The following GPR20 variants were observed in gnomAD, a reference collection of about 807,000 sequenced individuals.
The protein encoded by GPR20 is CTD-3064M3.3.
For missense variants in GPR20, 494 were observed against 527.4 expected, an observed-to-expected ratio of 0.94 and a Z score of 0.62; for synonymous variants, 241 against 241.9, an observed-to-expected ratio of 1.00 and a Z score of 0.04.
rs1563704957 is a variant in GPR20, at chr8:141,357,328, G to GCAAAGACA, written c.588_595dup (p.Ala199ValfsTer5). 6.5e-7 allele frequency: 1 copy of GCAAAGACA among 1,545,666 alleles called. No homozygotes were observed. Among genetic ancestry groups the GCAAAGACA allele is most frequent in the South Asian group, 1.2e-5 (1 of 85,202 alleles). ...CAGCAGGAACTCCAGGACAGTCAGC[G>GCAAAGACA]CAAAGACACGGCAGCAGGGCCGGCT... is the stretch of plus-strand genomic sequence containing the variant. On this transcript the variant is annotated frameshift_variant, in exon 2 of 2. Coordinates refer to ENST00000377741, the MANE Select transcript of GPR20 (RefSeq NM_005293.3). LOFTEE classifies it low-confidence loss of function (END_TRUNC).
intron 1 of GPR20, among the ~76,000 whole-genome samples, chr8:141,366,383 C>A (rs530988449): frequency 6.6e-6 from 1 of 152,196 alleles, no homozygotes; most frequent in Non-Finnish European, 1.5e-5. Flanking sequence ...GTGCATTCCC[C>A]GTCCTGCGAG....
chr8:141,364,669 T>C (rs2154616657), intron 1 of GPR20, among the ~76,000 whole-genome samples: 1 of 152,330 alleles, frequency 6.6e-6, no homozygotes, highest in Non-Finnish European at 1.5e-5. Context: ...AGAGCCCTCT[T>C]GCTGAGACTG....
chr8:141,356,814 C>T lies in GPR20; in HGVS notation c.*33G>A, dbSNP rs777983293. The T allele has an allele frequency of 1.8e-5, 27 of 1,497,760 alleles. No homozygotes were observed. The highest frequency in any genetic ancestry group is 9.1e-7 in the Non-Finnish European group (1 of 1,099,996). 92.8% of individuals were successfully genotyped at this position (1,497,760 alleles called of 1,614,324 possible). ...TCCACGCTGGCATGCCCAGATGAGT[C>T]CTGACCTTCGGCCCCTGGCAGAGCC... On this transcript the variant is annotated 3_prime_UTR_variant, in exon 2 of 2. Coordinates refer to ENST00000377741, the MANE Select transcript of GPR20 (RefSeq NM_005293.3).
chr8:141,365,826 C>A (rs62522462), intron 1 of GPR20, among the ~76,000 whole-genome samples: 7,306 of 152,272 alleles, frequency 0.048, 209 homozygotes, highest in African/African-American at 0.072. Context: ...CAGGGAGGCC[C>A]TCCAGAGCCC....
intron 1 of GPR20, 122 bp from the exon 2 acceptor site, chr8:141,358,069 C>T (rs563031699): frequency 2.8e-5 from 17 of 600,020 alleles, no homozygotes; most frequent in Middle Eastern, 4.4e-4. Context: ...TCCATGCCCT[C>T]GCCTGGCTGG....
Position 141,357,213 on chromosome 8 carries a change from C to A in GPR20, c.711G>T (p.Val237=). ...CCGTGAGCAGGAGCTGCATGGCCCGCACGCGGCGCTGGCGACCCTGGTGGA... is the reference window on the plus strand; with the variant it reads ...CCGTGAGCAGGAGCTGCATGGCCCGAACGCGGCGCTGGCGACCCTGGTGGA... ...GLLHQGRQRR[V]RAMQLLLTVL... is the part of the protein sequence containing the mutation. Residue 237 remains valine (V), a synonymous_variant, in exon 2 of 2, where the codon GTG becomes GTT. Transcript: ENST00000377741. The A allele has an allele frequency of 6.4e-7, 1 of 1,569,530 alleles. No individual in the cohort carries two copies. The highest frequency in any genetic ancestry group is 8.6e-7 in the Non-Finnish European group (1 of 1,160,790).
intron 1 of GPR20, among the ~76,000 whole-genome samples, chr8:141,361,608 A>G (rs888064778): frequency 6.6e-6 from 1 of 152,066 alleles, no homozygotes; most frequent in Non-Finnish European, 1.5e-5. Flanking sequence ...TGCAGCCTAG[A>G]CCAGGTCCAG....
rs185274718 is a variant in GPR20 at position 141,356,712 on chromosome 8, C to T, written c.*135G>A. 45 of 623,500 alleles carry T rather than the reference C, an allele frequency of 7.2e-5. No individual in the cohort carries two copies. The highest frequency in any genetic ancestry group is 1.3e-4 in the African/African-American group (7 of 54,426). The allele number at this position is 623,500 out of a possible 1,614,324, so 38.6% of individuals were successfully genotyped here. ...TCAACCACAGCACAGTGGCCTTAGACGCTCAATGCGGTGCTCTGGGTAGCC... is the reference window on the plus strand; with the variant it reads ...TCAACCACAGCACAGTGGCCTTAGATGCTCAATGCGGTGCTCTGGGTAGCC... On this transcript the variant is annotated 3_prime_UTR_variant, in exon 2 of 2. Coordinates refer to ENST00000377741, the MANE Select transcript of GPR20 (RefSeq NM_005293.3).
At chr8:141,358,106 C>G (rs1395158194) in intron 1 of GPR20, among the ~76,000 whole-genome samples, 159 bp from the exon 2 acceptor site, 2 of 152,268 alleles carry the variant, frequency 1.3e-5, no homozygotes, top group African/African-American at 2.4e-5. Context: ...TCCCTTGGCT[C>G]TACCCAGAGG....
Position 141,357,551 on chromosome 8 carries a change from G to A in GPR20, c.373C>T (p.Pro125Ser). The change falls in exon 2 of 2, where the codon CCG becomes TCG. Residue 125 changes from proline (P) to serine (S), a missense_variant. Physicochemically the swap from Pro to Ser is moderately conservative, Grantham distance 74 (BLOSUM62 -1). Coordinates refer to ENST00000377741, the MANE Select transcript of GPR20 (RefSeq NM_005293.3). ...GARGCLRCAF[P>S]HVLGYFLNMH... ...TTGAGGAAGTAACCGAGGACGTGCG[G>A]GAAGGCACAGCGCAGGCAGCCCCTG... 6.2e-7 allele frequency: 1 copy of A among 1,613,854 alleles called. No individual in the cohort carries two copies. The highest frequency in any genetic ancestry group is 8.5e-7 in the Non-Finnish European group (1 of 1,180,012).
At chr8:141,365,213 C>T (rs1454996882) in intron 1 of GPR20, among the ~76,000 whole-genome samples, 1 of 152,194 alleles carries the variant, frequency 6.6e-6, no homozygotes, top group African/African-American at 2.4e-5. Context: ...GAGCTATGAT[C>T]CCACAATCTG....
chr8:141,365,620 G>A (rs1831803772), intron 1 of GPR20, among the ~76,000 whole-genome samples: 1 of 152,324 alleles, frequency 6.6e-6, no homozygotes, highest in Admixed American at 6.5e-5. Context: ...GGCTGGTCAC[G>A]GCCGGGATGG....
chr8:141,358,206 C>T (rs1831682451), intron 1 of GPR20, among the ~76,000 whole-genome samples: 1 of 152,200 alleles, frequency 6.6e-6, no homozygotes, highest in African/African-American at 2.4e-5. Flanking sequence ...CGTGGAGACT[C>T]GACAAAATAC....
At chr8:141,364,674 A>C (rs1341882807) in intron 1 of GPR20, among the ~76,000 whole-genome samples, 1 of 152,178 alleles carries the variant, frequency 6.6e-6, no homozygotes, top group Non-Finnish European at 1.5e-5. Flanking sequence ...CCTCTTGCTG[A>C]GACTGCGGCT....
In GPR20 at chr8:141,357,611, A is replaced by G. The variant is rs1334290501; in HGVS notation, c.313T>C (p.Ser105Pro). Residue 105 changes from serine (S) to proline (P), a missense_variant, in exon 2 of 2, where the codon TCC (serine) becomes CCC (proline). Physicochemically the swap from Ser to Pro is moderately conservative, Grantham distance 74 (BLOSUM62 -1). Coordinates refer to ENST00000377741, the MANE Select transcript of GPR20 (RefSeq NM_005293.3). ...LVVTDLLVGL[S>P]LPTRFAVYYG... Reference sequence around the variant, plus strand: ...TACACAGCGAAGCGCGTGGGCAGGGACAGCCCTACCAGTAGATCGGTCACC... The same window carrying G: ...TACACAGCGAAGCGCGTGGGCAGGGGCAGCCCTACCAGTAGATCGGTCACC... 6.2e-7 allele frequency: 1 copy of G among 1,613,982 alleles called. No homozygotes were observed. The highest frequency in any genetic ancestry group is 1.7e-5 in the Admixed American group (1 of 60,036).
At chr8:141,366,904 G>A (rs192721577) in intron 1 of GPR20, among the ~76,000 whole-genome samples, 47 of 152,350 alleles carry the variant, frequency 3.1e-4, no homozygotes, top group Admixed American at 1.8e-3. Context: ...ATGAGTGAAT[G>A]AATGAAATCC....
rs147462792 is a variant in GPR20 at position 141,357,189 on chromosome 8, C to G, written c.735G>C (p.Thr245=). 2 of 1,593,892 alleles carry G rather than the reference C, an allele frequency of 1.3e-6. No individual in the cohort carries two copies. The change falls in exon 2 of 2, where the codon ACG becomes ACC. Residue 245 remains threonine (T), a synonymous_variant. Coordinates refer to ENST00000377741, the MANE Select transcript of GPR20 (RefSeq NM_005293.3). ...RRVRAMQLLL[T]VLIIFLVCFT... ...AGCAGACGAGAAAGATGATGAGCAC[C>G]GTGAGCAGGAGCTGCATGGCCCGCA... is the stretch of plus-strand genomic sequence containing the variant.
Position 141,357,039 on chromosome 8 carries a change from G to A in GPR20, c.885C>T (p.Ile295=), listed in dbSNP as rs776733058. 9.5e-5 allele frequency: 153 copies of A among 1,612,804 alleles called. No individual in the cohort carries two copies. Among genetic ancestry groups the A allele is most frequent in the Non-Finnish European group, 1.2e-4 (146 of 1,179,720 alleles). The stretch of plus-strand genomic sequence containing the variant: ...AGCCACTGGTGACGAAGCAGTAGAC[G>A]ATGGGGTCCATGCAGCTGTTGAGGC... The part of the protein sequence containing the change: ...LSSLNSCMDP[I]VYCFVTSGFQ... Residue 295 remains isoleucine (I), a synonymous_variant, in exon 2 of 2, where the codon ATC becomes ATT. Coordinates refer to ENST00000377741, the MANE Select transcript of GPR20 (RefSeq NM_005293.3).
chr8:141,357,166 C>G lies in GPR20; in HGVS notation c.758G>C (p.Cys253Ser). 6.2e-7 allele frequency: 1 copy of G among 1,606,564 alleles called. No individual in the cohort carries two copies. The highest frequency in any genetic ancestry group is 1.1e-5 in the South Asian group (1 of 90,728). ...TTGGCGGGCGTGGAAGGGCGTGAAG[C>G]AGACGAGAAAGATGATGAGCACCGT... ...LLTVLIIFLV[C>S]FTPFHARQVA... is the part of the protein sequence containing the mutation. The change falls in exon 2 of 2, where the codon TGC becomes TCC. Residue 253 changes from cysteine to serine, a missense_variant. Cys to Ser is a moderately radical substitution (Grantham distance 112). Transcript: ENST00000377741.
Sources: gnomAD v4.1 joint callset for allele counts (sites outside exome capture counted in the v4.1 genomes callset) on GRCh38, gnomAD v4.1.1 for gene constraint, MANE v1.5 for transcripts, NCBI Gene and HGNC (gene_info 2026-07-23, HGNC 2026-07-21) for gene names.